Variants in DENND5B observed in about 807,000 individuals in gnomAD.
DENND5B encodes the protein DENN domain-containing protein 5B.
In DENND5B, 34 loss-of-function variants were observed where a neutral mutation model predicts 140.6. That is an observed-to-expected ratio of 0.24 (90% CI 0.18 to 0.32). The LOEUF (loss-of-function observed/expected upper bound fraction) is 0.32, where lower values mean the gene tolerates loss of function less well. DENND5B is among the 10% of genes least tolerant of loss of function. The pLI, the probability that DENND5B is intolerant of heterozygous loss-of-function variation, is 1.00. For synonymous variants in DENND5B, 551 were observed against 562.1 expected (o/e 0.98, Z 0.28); for missense variants, 1,142 against 1,560.2 (o/e 0.73, Z 4.52).
At chr12:31,509,877 T>C (rs1260055931) in intron 1 of DENND5B, among the ~76,000 whole-genome samples, 1 of 152,148 alleles carries the variant, frequency 6.6e-6, no homozygotes, top group Non-Finnish European at 1.5e-5. Context: ...AGAATTAATC[T>C]TACCTCCTTG....
chr12:31,549,846 G>A lies in DENND5B; in HGVS notation c.127+40860C>T, dbSNP rs539849088. Among the ~76,000 whole-genome samples, 5 of 152,164 alleles carry A rather than the reference G, an allele frequency of 3.3e-5. No homozygotes were observed. The East Asian group carries it at 9.7e-4, about 29-fold the overall frequency. On this transcript the variant is annotated intron_variant, in intron 1 of 20. Transcript: ENST00000389082. ...AGTTTGCTGAGGATAATGGCTCCCA[G>A]GTCCCAGTCTATCATTGATGGGCAT...
At chr12:31,448,573 T>TCTTC (rs1207255873) in intron 5 of DENND5B, among the ~76,000 whole-genome samples, 9 of 152,214 alleles carry the variant, frequency 5.9e-5, no homozygotes, top group African/African-American at 2.2e-4. Context: ...TGCTTATGGG[T>TCTTC]GAAGTTCTTT....
At chr12:31,513,167 T>G (rs1947492071) in intron 1 of DENND5B, among the ~76,000 whole-genome samples, 1 of 152,182 alleles carries the variant, frequency 6.6e-6, no homozygotes, top group East Asian at 1.9e-4. Flanking sequence ...TATACTGAGT[T>G]TATAGGTTTG....
chr12:31,496,187 A>G (rs1203895614), intron 1 of DENND5B, among the ~76,000 whole-genome samples: 1 of 152,220 alleles, frequency 6.6e-6, no homozygotes, highest in Non-Finnish European at 1.5e-5. Context: ...TCATTGCTGT[A>G]ACCTAATTAT....
chr12:31,425,927 G>C (rs1341599142), intron 9 of DENND5B, among the ~76,000 whole-genome samples: 1 of 152,174 alleles, frequency 6.6e-6, no homozygotes, highest in Non-Finnish European at 1.5e-5. Flanking sequence ...ACCATGTACA[G>C]GCACAAATAA....
intron 1 of DENND5B, among the ~76,000 whole-genome samples, chr12:31,588,794 T>C (rs1950494265): frequency 6.6e-6 from 1 of 152,232 alleles, no homozygotes; most frequent in Non-Finnish European, 1.5e-5. Flanking sequence ...GACTGCTTTC[T>C]TCACAGCTGT....
intron 17 of DENND5B, among the ~76,000 whole-genome samples, chr12:31,397,074 G>A (rs1941512766): frequency 6.6e-6 from 1 of 152,054 alleles, no homozygotes. Context: ...GCCTACATTA[G>A]TAATTTAGTC....
intron 5 of DENND5B, among the ~76,000 whole-genome samples, chr12:31,449,111 T>C (rs946588041): frequency 1.3e-5 from 2 of 152,272 alleles, no homozygotes; most frequent in Admixed American, 6.5e-5. Flanking sequence ...CCTATTTTGG[T>C]TGCTGGGTTG....
chr12:31,419,944 G>C lies in DENND5B; in HGVS notation c.2470+3653C>G, dbSNP rs1172713272. On this transcript the variant is annotated intron_variant, in intron 11 of 20. Transcript: ENST00000389082. Reference sequence around the variant, plus strand: ...GCCAAGACTGCGCCATTGCACTCTAGCCTGGGCAACAAGAGCGAAACTCCA... The same window carrying C: ...GCCAAGACTGCGCCATTGCACTCTACCCTGGGCAACAAGAGCGAAACTCCA... The C allele has an allele frequency of 6.6e-6, 6 of 903,304 alleles. No individual in the cohort carries two copies. The African/African-American group carries it at 1.2e-4, about 19-fold the overall frequency. The allele number at this position is 903,304 out of a possible 1,614,324, so 56.0% of individuals were successfully genotyped here. A position where few individuals can be genotyped will look rare whatever the true frequency, so the allele number is the denominator to read the frequency against.
rs141236177 is a variant in DENND5B, at chr12:31,412,856, C to T, written c.2681+580G>A. Among the ~76,000 whole-genome samples, 196 of 152,186 alleles carry T rather than the reference C, an allele frequency of 1.3e-3. 1 individual carries two copies. Among genetic ancestry groups the T allele is most frequent in the African/African-American group, 4.6e-3 (192 of 41,528 alleles). ...AATATAAGGTTTATATAAATTCATC[C>T]GATCTTTTGGATGTTACTGTCAGCT... On this transcript the variant is annotated intron_variant, in intron 13 of 20. Coordinates refer to ENST00000389082, the MANE Select transcript of DENND5B (RefSeq NM_144973.4).
intron 2 of DENND5B, among the ~76,000 whole-genome samples, chr12:31,484,155 C>A (rs1038259725): frequency 1.3e-5 from 2 of 152,072 alleles, no homozygotes; most frequent in East Asian, 3.9e-4. Context: ...GACCCGGCCT[C>A]GAGCAATTTT....
chr12:31,436,667 T>G lies in DENND5B; in HGVS notation c.2013-3419A>C, dbSNP rs1943770684. Among the ~76,000 whole-genome samples, 4 of 152,002 alleles carry G rather than the reference T, an allele frequency of 2.6e-5. No homozygotes were observed. In the South Asian group the frequency reaches 8.3e-4, roughly 32 times the overall value. On this transcript the variant is annotated intron_variant, in intron 7 of 20. Transcript: ENST00000389082. The stretch of plus-strand genomic sequence containing the variant: ...CTCCTGCCTCAGCCTTCCAAGCAGC[T>G]GGGATTACAGGCATGTGCCAACATG...
chr12:31,531,589 T>C (rs553189953), intron 1 of DENND5B, among the ~76,000 whole-genome samples: 42 of 152,188 alleles, frequency 2.8e-4, no homozygotes, highest in Middle Eastern at 3.2e-3. Context: ...CAGTAAGCAC[T>C]ATAGGTTTAC....
chr12:31,398,758 T>C (rs1248441226), intron 16 of DENND5B, among the ~76,000 whole-genome samples: 1 of 152,150 alleles, frequency 6.6e-6, no homozygotes, highest in Non-Finnish European at 1.5e-5. Context: ...TTTCTTTTTT[T>C]TCTGAGAGTT....
At chr12:31,408,255 C>T (rs1942246848) in intron 14 of DENND5B, among the ~76,000 whole-genome samples, 1 of 151,882 alleles carries the variant, frequency 6.6e-6, no homozygotes. Flanking sequence ...GCTGAGATTC[C>T]ACCACTGCAC....
chr12:31,506,629 A>C (rs1947214513), intron 1 of DENND5B, among the ~76,000 whole-genome samples: 1 of 152,206 alleles, frequency 6.6e-6, no homozygotes, highest in African/African-American at 2.4e-5. Flanking sequence ...CACTTCTAAC[A>C]GACTGGCTAT....
chr12:31,474,267 ACTT>A (rs1457665651), intron 3 of DENND5B, among the ~76,000 whole-genome samples: 1 of 148,220 alleles, frequency 6.7e-6, no homozygotes, highest in African/African-American at 2.4e-5. Flanking sequence ...TGTTTCTTAG[ACTT>A]CAATTATTGG....
At chr12:31,513,972 G>C (rs1010839709) in intron 1 of DENND5B, among the ~76,000 whole-genome samples, 6 of 151,798 alleles carry the variant, frequency 4.0e-5, no homozygotes, top group Non-Finnish European at 7.4e-5. Context: ...CAAGTAGCTA[G>C]GATTATAGGA....
intron 1 of DENND5B, among the ~76,000 whole-genome samples, chr12:31,562,549 G>A (rs1447537263): frequency 6.6e-6 from 1 of 152,120 alleles, no homozygotes; most frequent in African/African-American, 2.4e-5. Flanking sequence ...GGGAGGTGGA[G>A]GTTGCGGTGA....
Sources: allele counts gnomAD v4.1 joint callset (sites outside exome capture counted in the v4.1 genomes callset), GRCh38; gene constraint gnomAD v4.1.1; transcripts MANE v1.5; gene names NCBI Gene and HGNC (gene_info 2026-07-23, HGNC 2026-07-21).